ZC3H15: variants seen among roughly 807,000 people sequenced by gnomAD.
ZC3H15 encodes zinc finger CCCH-type containing 15.
ZC3H15 carries 15 observed loss-of-function variants against 51.2 expected under a neutral mutation model. The observed-to-expected ratio is 0.29, with a 90% CI of 0.20 to 0.45. The LOEUF is 0.45. ZC3H15 is among the 20% of genes least tolerant of loss of function. ZC3H15 has a pLI of 1.00. For synonymous variants in ZC3H15, 144 were observed against 162.8 expected (o/e 0.88, Z 0.88); for missense variants, 381 against 494.7 (o/e 0.77, Z 2.18).
At chr2:186,500,149 C>G (rs746333187) in intron 2 of ZC3H15, 33 bp from the exon 3 acceptor site, 2 of 1,562,888 alleles carry the variant, frequency 1.3e-6, no homozygotes, top group South Asian at 1.2e-5. Flanking sequence ...TGTAAACAAT[C>G]AAATTTACAT....
At position 186,500,151 on chromosome 2, in the gene ZC3H15, A is replaced by ATCAG. The variant is rs765383670; in HGVS notation, c.178-31_178-30insTCAG. On this transcript the variant is annotated intron_variant, in intron 2 of 9. Transcript: ENST00000337859. Reference sequence around the variant, plus strand: ...GTAAAAACAATTTTGTAAACAATCAAATTTACATTTTAAACCTGGGAATAT... The same window carrying ATCAG: ...GTAAAAACAATTTTGTAAACAATCAATCAGATTTACATTTTAAACCTGGGAATAT... 48 of 1,567,128 alleles carry ATCAG rather than the reference A, an allele frequency of 3.1e-5. No homozygotes were observed. The East Asian group carries it at 1.1e-3, about 35-fold the overall frequency.
rs115887869 is a variant in ZC3H15, at chr2:186,496,666, G to A, written c.177+1332G>A. Among the ~76,000 whole-genome samples, 625 of 152,300 alleles carry A rather than the reference G, an allele frequency of 4.1e-3. 1 individual carries two copies. The highest frequency in any genetic ancestry group is 0.014 in the African/African-American group (574 of 41,572). On this transcript the variant is annotated intron_variant, in intron 2 of 9. Coordinates refer to ENST00000337859, the MANE Select transcript of ZC3H15 (RefSeq NM_018471.3). ...TTAGTCATTGTGCAAATATCATAGA[G>A]TGTACTTACACAAACCTAGATATTA...
chr2:186,503,937 C>T (rs1372642940), intron 5 of ZC3H15, 95 bp from the exon 6 acceptor site: 14 of 968,194 alleles, frequency 1.4e-5, no homozygotes, highest in Non-Finnish European at 5.8e-6. Flanking sequence ...TGTAATATAA[C>T]GTACTTGTGT....
intron 9 of ZC3H15, chr2:186,507,374 CCTCT>C (rs565070073): frequency 2.2e-6 from 1 of 456,376 alleles, no homozygotes. Context: ...TGAATACAGT[CCTCT>C]CTCTCTTAAT....
At chr2:186,487,047 A>C (rs936491358) in intron 1 of ZC3H15, 1 of 152,358 alleles carries the variant, frequency 6.6e-6, no homozygotes, top group Non-Finnish European at 1.5e-5. Context: ...TCTGAAGTGG[A>C]TTAAATAGGA....
chr2:186,506,627 T>C, intron 8 of ZC3H15, 86 bp from the exon 9 acceptor site: 2 of 1,433,138 alleles, frequency 1.4e-6, no homozygotes, highest in Non-Finnish European at 9.4e-7. Flanking sequence ...GGATCAGTGA[T>C]AATTTTGGCT....
At chr2:186,494,694 A>G (rs1244745913) in intron 1 of ZC3H15, among the ~76,000 whole-genome samples, 1 of 152,234 alleles carries the variant, frequency 6.6e-6, no homozygotes, top group Non-Finnish European at 1.5e-5. Flanking sequence ...ACTGGAAACC[A>G]TCATTCTTAG....
intron 1 of ZC3H15, among the ~76,000 whole-genome samples, chr2:186,489,250 A>G (rs898820493): frequency 1.1e-4 from 16 of 152,224 alleles, no homozygotes; most frequent in African/African-American, 3.4e-4. Context: ...GGAGAGGTAC[A>G]ACAATATTTT....
chr2:186,489,857 C>G (rs377755562), intron 1 of ZC3H15, among the ~76,000 whole-genome samples: 4 of 152,304 alleles, frequency 2.6e-5, no homozygotes, highest in South Asian at 4.1e-4. Context: ...AGACAAGTTA[C>G]AAAATCTAGC....
At chr2:186,497,678 C>T (rs1451400261) in intron 2 of ZC3H15, among the ~76,000 whole-genome samples, 2 of 152,138 alleles carry the variant, frequency 1.3e-5, no homozygotes, top group Non-Finnish European at 2.9e-5. Context: ...TCACTTAGCC[C>T]CTTTTTCAAT....
At chr2:186,486,811 A>G (rs1685104117) in intron 1 of ZC3H15, 1 of 243,920 alleles carries the variant, frequency 4.1e-6, no homozygotes, top group South Asian at 1.7e-4. Context: ...AATACGCTGA[A>G]CGGTCTCGGG....
intron 2 of ZC3H15, chr2:186,499,733 T>C (rs1313749029): frequency 2.7e-6 from 1 of 376,322 alleles, no homozygotes; most frequent in Non-Finnish European, 5.2e-6. Context: ...TTTAATATCC[T>C]ACATTGACCT....
chr2:186,508,765 G>A lies in ZC3H15; in HGVS notation c.*32G>A, dbSNP rs376346742. The A allele has an allele frequency of 1.9e-6, 3 of 1,599,124 alleles. No individual in the cohort carries two copies. Reference sequence around the variant, plus strand: ...ACACATCGCTGAAAAAATTAAGTCAGCTCAGCACGAGTTGAAATTGACTAC... The same window carrying A: ...ACACATCGCTGAAAAAATTAAGTCAACTCAGCACGAGTTGAAATTGACTAC... On this transcript the variant is annotated 3_prime_UTR_variant, in exon 10 of 10. Transcript: ENST00000337859.
intron 1 of ZC3H15, 39 bp downstream of exon 1, chr2:186,486,496 T>A: frequency 6.6e-7 from 1 of 1,512,708 alleles, no homozygotes; most frequent in African/African-American, 1.4e-5. Flanking sequence ...CCGCGAGCCC[T>A]CCGGAAAGCC....
chr2:186,494,325 A>G (rs1241630208), intron 1 of ZC3H15, among the ~76,000 whole-genome samples: 1 of 152,162 alleles, frequency 6.6e-6, no homozygotes, highest in Non-Finnish European at 1.5e-5. Flanking sequence ...TGATTTCTTT[A>G]TTAAATTTAA....
chr2:186,500,270 T>C lies in ZC3H15; in HGVS notation c.266T>C (p.Val89Ala), dbSNP rs1165591030. 1 of 1,607,480 alleles carries C rather than the reference T, an allele frequency of 6.2e-7. No individual in the cohort carries two copies. Among genetic ancestry groups the C allele is most frequent in the Admixed American group, 1.7e-5 (1 of 58,320 alleles). ...QELNELFKPV[V>A]AAQKISKGAD... ...CTAAATGAGCTGTTCAAACCTGTAG[T>C]TGCTGCTCAAAAAATAAGTAAAGGT... Residue 89 changes from valine (V) to alanine (A), a missense_variant, in exon 3 of 10, where the codon GTT (valine) becomes GCT (alanine). Physicochemically the swap from Val to Ala is moderately conservative, Grantham distance 64. This residue lies in a region of ZC3H15 where 125 missense variants were observed against 166.3 expected (regional missense o/e 0.75). Transcript: ENST00000337859.
Position 186,506,793 on chromosome 2 carries a change from A to G in ZC3H15, c.1047A>G (p.Val349=). Residue 349 remains valine, a synonymous_variant, in exon 9 of 10, where the codon GTA becomes GTG. Transcript: ENST00000337859. ...PRDVDETGIT[V]ASLERFSTYT... Reference sequence around the variant, plus strand: ...ATGTAGATGAAACAGGTATTACTGTAGCCAGTCTTGAAAGATTCAGCACAT... The same window carrying G: ...ATGTAGATGAAACAGGTATTACTGTGGCCAGTCTTGAAAGATTCAGCACAT... 1.2e-6 allele frequency: 2 copies of G among 1,613,792 alleles called. No homozygotes were observed. The highest frequency in any genetic ancestry group is 1.7e-6 in the Non-Finnish European group (2 of 1,179,858).
chr2:186,491,062 T>C (rs1274132478), intron 1 of ZC3H15, among the ~76,000 whole-genome samples: 1 of 152,212 alleles, frequency 6.6e-6, no homozygotes, highest in Non-Finnish European at 1.5e-5. Flanking sequence ...AGAAGCCTTT[T>C]TGAACTTCTC....
chr2:186,490,111 T>G (rs1685170186), intron 1 of ZC3H15, among the ~76,000 whole-genome samples: 1 of 152,220 alleles, frequency 6.6e-6, no homozygotes, highest in Non-Finnish European at 1.5e-5. Flanking sequence ...CCTCCATTTT[T>G]TTTATTTGCC....
Sources: gnomAD v4.1 joint callset for allele counts (sites outside exome capture counted in the v4.1 genomes callset) on GRCh38, gnomAD v4.1.1 for gene constraint, gnomAD v4.1.1 regional missense constraint, MANE v1.5 for transcripts, NCBI Gene and HGNC (gene_info 2026-07-23, HGNC 2026-07-21) for gene names.